Variants in RARB observed in about 807,000 individuals in gnomAD.
The protein encoded by RARB is HBV-activated protein.
In RARB, 17 loss-of-function variants were observed where a neutral mutation model predicts 51.9. The ratio of observed to expected loss-of-function variants is 0.33; its 90% CI spans 0.22 to 0.49. The LOEUF (loss-of-function observed/expected upper bound fraction) is 0.49, where lower values mean the gene tolerates loss of function less well. RARB is among the 20% of genes least tolerant of loss of function. RARB has a pLI of 0.99. For missense variants in RARB, 369 were observed against 550.8 expected, an observed-to-expected ratio of 0.67 and a Z score of 3.30; for synonymous variants, 215 against 195.4, an observed-to-expected ratio of 1.10 and a Z score of -0.84.
In RARB at chr3:25,240,072, GGTTT is replaced by G. The variant is rs962291146; in HGVS notation, c.178+65510_178+65513del. On this transcript the variant is annotated intron_variant, in intron 5 of 11. Coordinates refer to the RARB transcript ENST00000383772. The stretch of plus-strand genomic sequence containing the variant: ...TTTTTTTTTTGTTATCGCTGTTTTG[GGTTT>G]GTTTGTTTGTTTTTGTAATTCTTGT... 1.1e-4 allele frequency among the ~76,000 whole-genome samples: 17 copies of G among 148,108 alleles called. No individual in the cohort carries two copies. In the East Asian group the frequency reaches 1.4e-3, roughly 12 times the overall value.
chr3:25,244,429 G>A (rs533387447), intron 5 of RARB, among the ~76,000 whole-genome samples: 30 of 151,982 alleles, frequency 2.0e-4, no homozygotes, highest in South Asian at 1.2e-3. Context: ...GATCTTTCCC[G>A]CCTTCTCCTG....
intron 5 of RARB, among the ~76,000 whole-genome samples, chr3:25,341,679 T>G (rs1705232132): frequency 6.6e-6 from 1 of 152,134 alleles, no homozygotes; most frequent in Admixed American, 6.6e-5. Context: ...TTAGAACTAC[T>G]TTTGGTTGTC....
At chr3:25,025,457 C>A (rs1697726864) in intron 2 of RARB, among the ~76,000 whole-genome samples, 1 of 152,054 alleles carries the variant, frequency 6.6e-6, no homozygotes, top group Admixed American at 6.6e-5. Flanking sequence ...CAATCTTGAC[C>A]CAGATGATTC....
intron 3 of RARB, among the ~76,000 whole-genome samples, chr3:25,514,228 T>C (rs1195700014): frequency 6.6e-6 from 1 of 152,060 alleles, no homozygotes; most frequent in African/African-American, 2.4e-5. Context: ...CCTCCTGGAG[T>C]GGTATCAAGG....
At chr3:25,171,482 G>A (rs1217137232) in intron 4 of RARB, among the ~76,000 whole-genome samples, 4 of 6,970 alleles carry the variant, frequency 5.7e-4, no homozygotes, top group East Asian at 3.9e-3. Context: ...AGTATAAGCA[G>A]TTTAAAAAAA....
chr3:25,472,892 T>G (rs1199707803), intron 2 of RARB, among the ~76,000 whole-genome samples: 1 of 152,182 alleles, frequency 6.6e-6, no homozygotes, highest in African/African-American at 2.4e-5. Context: ...AAAATCCCTT[T>G]GAAAAGCACA....
intron 2 of RARB, among the ~76,000 whole-genome samples, chr3:25,475,724 A>G (rs756564171): frequency 8.5e-5 from 13 of 152,150 alleles, no homozygotes; most frequent in African/African-American, 2.4e-4. Flanking sequence ...ACGCTGACCA[A>G]TAACATTCTA....
rs185183048 is a variant in RARB at position 25,384,294 on chromosome 3, C to G, written c.179-76899C>G. On this transcript the variant is annotated intron_variant, in intron 5 of 11. Transcript: ENST00000383772. ...CCTTCCTTCCTTCTCTTTCTCCCTT[C>G]ATTGTCTCTTCATCCCTCCCTCCCT... Among the ~76,000 whole-genome samples, 467 of 141,966 alleles carry G rather than the reference C, an allele frequency of 3.3e-3. 5 individuals are homozygous for G. The highest frequency in any genetic ancestry group is 0.011 in the African/African-American group (452 of 40,852). 93.1% of individuals were successfully genotyped at this position (141,966 alleles called of 152,430 possible). A position where few individuals can be genotyped will look rare whatever the true frequency, so the allele number is the denominator to read the frequency against.
intron 5 of RARB, among the ~76,000 whole-genome samples, chr3:25,242,847 A>T (rs1702465893): frequency 6.6e-6 from 1 of 152,200 alleles, no homozygotes; most frequent in African/African-American, 2.4e-5. Flanking sequence ...TTATGAAGAA[A>T]GTCAATGGTA....
intron 2 of RARB, among the ~76,000 whole-genome samples, chr3:25,492,929 C>T (rs952223752): frequency 1.3e-5 from 2 of 151,566 alleles, no homozygotes; most frequent in East Asian, 1.9e-4. Flanking sequence ...GCCATGGCTA[C>T]ACCTTTACTA....
At chr3:25,587,216 A>G (rs1278111699) in intron 5 of RARB, among the ~76,000 whole-genome samples, 6 of 152,170 alleles carry the variant, frequency 3.9e-5, no homozygotes, top group African/African-American at 1.4e-4. Context: ...ATAAGCTGTA[A>G]TCATCAGTCT....
chr3:25,474,398 A>G (rs1695851003), intron 2 of RARB, among the ~76,000 whole-genome samples: 2 of 152,290 alleles, frequency 1.3e-5, no homozygotes, highest in African/African-American at 4.8e-5. Flanking sequence ...TGCTGCTCTA[A>G]TTTATATGTG....
At chr3:25,186,352 C>T (rs963781286) in intron 5 of RARB, among the ~76,000 whole-genome samples, 12 of 151,384 alleles carry the variant, frequency 7.9e-5, no homozygotes, top group Middle Eastern at 3.4e-3. Context: ...CTGGTGAGAT[C>T]CTACACTGGT....
chr3:25,508,909 T>A (rs1378695964), intron 3 of RARB, among the ~76,000 whole-genome samples: 1 of 143,064 alleles, frequency 7.0e-6, no homozygotes, highest in Non-Finnish European at 1.5e-5. Flanking sequence ...AAAAAAAAAA[T>A]TATGTTTGGG....
chr3:25,305,775 GT>G (rs763414228), intron 5 of RARB, among the ~76,000 whole-genome samples: 1 of 152,168 alleles, frequency 6.6e-6, no homozygotes, highest in South Asian at 2.1e-4. Context: ...AGGGCAAAAT[GT>G]CACACAGTGG....
intron 2 of RARB, among the ~76,000 whole-genome samples, chr3:24,977,434 C>T (rs1262809154): frequency 6.6e-6 from 1 of 152,116 alleles, no homozygotes; most frequent in African/African-American, 2.4e-5. Flanking sequence ...TCTTTTATTT[C>T]GTTGAGCAGT....
chr3:25,458,913 G>A (rs1695037180), intron 1 of RARB, among the ~76,000 whole-genome samples: 2 of 151,992 alleles, frequency 1.3e-5, no homozygotes, highest in African/African-American at 4.8e-5. Context: ...CTCAAAATGA[G>A]GAAGAAAAAG....
intron 2 of RARB, among the ~76,000 whole-genome samples, chr3:24,907,757 C>G (rs538589430): frequency 6.6e-6 from 1 of 151,960 alleles, no homozygotes; most frequent in Non-Finnish European, 1.5e-5. Context: ...AAGTAAATAT[C>G]TAGTAAACCC....
intron 2 of RARB, 26 bp downstream of exon 2, chr3:25,461,367 A>T: frequency 6.2e-7 from 1 of 1,607,770 alleles, no homozygotes; most frequent in Non-Finnish European, 8.5e-7. Context: ...TCTGTGCCTG[A>T]TGAACTCTCA....
Sources: allele counts gnomAD v4.1 joint callset (sites outside exome capture counted in the v4.1 genomes callset), GRCh38; gene constraint gnomAD v4.1.1; transcripts MANE v1.5; gene names NCBI Gene and HGNC (gene_info 2026-07-23, HGNC 2026-07-21).